The following SMIM35 variants were observed in gnomAD, a reference collection of about 807,000 sequenced individuals.
SMIM35 encodes the protein small integral membrane protein 35, also known as TMPRSS4 antisense RNA 1 (non-protein coding).
chr11:118,054,756 A>G (rs1188008753), intron 1 of SMIM35, among the ~76,000 whole-genome samples: 1 of 150,602 alleles, frequency 6.6e-6, no homozygotes, highest in South Asian at 2.1e-4. Flanking sequence ...GTAAATAAAT[A>G]TGTTTTAATG....
At chr11:118,026,389 T>C (rs2058274016) in intron 1 of SMIM35, among the ~76,000 whole-genome samples, 1 of 152,196 alleles carries the variant, frequency 6.6e-6, no homozygotes, top group African/African-American at 2.4e-5. Context: ...GCCACAGTTT[T>C]TCTCAGAAAT....
At chr11:118,015,598 G>A (rs1272794239) in intron 2 of SMIM35, 95 bp downstream of exon 2, 2 of 398,812 alleles carry the variant, frequency 5.0e-6, no homozygotes, top group Non-Finnish European at 8.8e-6. Flanking sequence ...ATCCCACCAT[G>A]CTGAAGAGTT....
At chr11:118,025,010 A>T (rs760346895) in intron 1 of SMIM35, among the ~76,000 whole-genome samples, 3 of 152,114 alleles carry the variant, frequency 2.0e-5, no homozygotes, top group Non-Finnish European at 4.4e-5. Context: ...GTAACGGAAA[A>T]CATGTGGTAT....
At chr11:118,022,625 T>C (rs1305308554) in intron 1 of SMIM35, among the ~76,000 whole-genome samples, 1 of 152,132 alleles carries the variant, frequency 6.6e-6, no homozygotes, top group Non-Finnish European at 1.5e-5. Context: ...CAGCTAAAGT[T>C]CACAAGACAG....
At chr11:118,068,338 T>A (rs1319935688) in intron 1 of SMIM35, among the ~76,000 whole-genome samples, 1 of 152,024 alleles carries the variant, frequency 6.6e-6, no homozygotes, top group Admixed American at 6.5e-5. Flanking sequence ...GAGGGAGCCC[T>A]CCGGCTCTGT....
chr11:118,029,279 A>C (rs2058299016), intron 1 of SMIM35, among the ~76,000 whole-genome samples: 1 of 152,194 alleles, frequency 6.6e-6, no homozygotes, highest in Admixed American at 6.5e-5. Context: ...CTGGCCAACG[A>C]AACGCCGTCT....
At chr11:118,050,117 G>C (rs1944185945) in intron 1 of SMIM35, among the ~76,000 whole-genome samples, 1 of 152,236 alleles carries the variant, frequency 6.6e-6, no homozygotes, top group Non-Finnish European at 1.5e-5. Flanking sequence ...GGACACACCA[G>C]TTGCACAATC....
At chr11:118,007,996 A>G (rs754035469) in intron 4 of SMIM35, among the ~76,000 whole-genome samples, 4 of 151,248 alleles carry the variant, frequency 2.6e-5, no homozygotes, top group Non-Finnish European at 4.4e-5. Context: ...CAGCCTCCCT[A>G]GTAGCTAGGA....
chr11:118,004,171 A>G lies in SMIM35; in HGVS notation c.*2239T>C, dbSNP rs2058111124. 1 of 152,232 alleles carries G rather than the reference A, an allele frequency of 6.6e-6. No homozygotes were observed. Among genetic ancestry groups the G allele is most frequent in the Non-Finnish European group, 1.5e-5 (1 of 68,036 alleles). The allele number at this position is 152,232 out of a possible 1,614,324, so 9.4% of individuals were successfully genotyped here. On this transcript the variant is annotated 3_prime_UTR_variant, in exon 5 of 5. Transcript: ENST00000689828. ...ATGGAGGCCCCATCCTCATGACCTC[A>G]TCTAAACCAATTACCTCCCAGAGGC...
At chr11:118,021,481 TC>T (rs1334206255) in intron 1 of SMIM35, among the ~76,000 whole-genome samples, 29 of 152,160 alleles carry the variant, frequency 1.9e-4, no homozygotes, top group Non-Finnish European at 2.9e-5. Flanking sequence ...ATTAAATTTT[TC>T]CGTTATGTCT....
intron 1 of SMIM35, among the ~76,000 whole-genome samples, chr11:118,062,914 C>T (rs774208021): frequency 7.2e-5 from 11 of 152,088 alleles, no homozygotes; most frequent in Non-Finnish European, 1.5e-4. Context: ...TCATAAAGAC[C>T]TTGCTGATAA....
In SMIM35 at chr11:118,021,169, C is replaced by G. The variant is rs1348217784; in HGVS notation, c.8-5360G>C. Among the ~76,000 whole-genome samples the G allele has an allele frequency of 2.0e-5, 3 of 151,764 alleles. 1 individual carries two copies. Among genetic ancestry groups the G allele is most frequent in the Admixed American group, 2.0e-4 (3 of 15,250 alleles). On this transcript the variant is annotated intron_variant, in intron 1 of 4. Transcript: ENST00000689828. ...AATGTTTTCATCTAACTCATGAAGTCAAAGTAAAGCTTTTAGAAGCTTACT... is the reference window on the plus strand; with the variant it reads ...AATGTTTTCATCTAACTCATGAAGTGAAAGTAAAGCTTTTAGAAGCTTACT...
intron 1 of SMIM35, among the ~76,000 whole-genome samples, chr11:118,045,741 A>G (rs1944087497): frequency 6.6e-6 from 1 of 152,208 alleles, no homozygotes; most frequent in Non-Finnish European, 1.5e-5. Flanking sequence ...TCTCTCTCTG[A>G]TAATGTACAG....
intron 1 of SMIM35, among the ~76,000 whole-genome samples, chr11:118,060,131 C>T (rs1253495485): frequency 6.6e-6 from 1 of 152,182 alleles, no homozygotes; most frequent in African/African-American, 2.4e-5. Context: ...AACCCAATTC[C>T]CGCGCTCTAG....
chr11:118,035,582 C>T (rs981140291), intron 1 of SMIM35, among the ~76,000 whole-genome samples: 1 of 152,188 alleles, frequency 6.6e-6, no homozygotes, highest in Non-Finnish European at 1.5e-5. Flanking sequence ...TGGGGCATGC[C>T]TGCCCCTGCC....
intron 1 of SMIM35, chr11:118,029,996 G>A (rs1426437274): frequency 8.7e-6 from 3 of 344,570 alleles, no homozygotes; most frequent in Non-Finnish European, 1.7e-5. Context: ...GGTTATCCAT[G>A]CAGAAATATG....
intron 1 of SMIM35, among the ~76,000 whole-genome samples, chr11:118,061,380 T>C (rs1204705172): frequency 6.6e-6 from 1 of 152,222 alleles, no homozygotes. Context: ...ATTTAGCAAG[T>C]TCTCCCTCAA....
intron 4 of SMIM35, among the ~76,000 whole-genome samples, chr11:118,013,153 C>G (rs1355867030): frequency 6.6e-6 from 1 of 152,174 alleles, no homozygotes; most frequent in Non-Finnish European, 1.5e-5. Flanking sequence ...CAGAGGAGAC[C>G]CCCTCATTCT....
chr11:118,077,330 A>G, intron 1 of SMIM35: 2 of 1,589,280 alleles, frequency 1.3e-6, no homozygotes, highest in East Asian at 2.3e-5. Flanking sequence ...CTCTGCTCCC[A>G]AGACACAGGA....
Sources: allele counts gnomAD v4.1 joint callset (sites outside exome capture counted in the v4.1 genomes callset), GRCh38; gene constraint gnomAD v4.1.1; transcripts MANE v1.5; gene names NCBI Gene and HGNC (gene_info 2026-07-23, HGNC 2026-07-21).